TAF4: variants seen among roughly 807,000 people sequenced by gnomAD.
TAF4 encodes transcription initiation factor TFIID subunit 4.
TAF4 carries 9 observed loss-of-function variants against 90.3 expected under a neutral mutation model. That is an observed-to-expected ratio of 0.10 (90% CI 0.06 to 0.17). The LOEUF is 0.17. Ranked by LOEUF, TAF4 falls within the 10% of genes least tolerant of loss-of-function variation. The probability of loss-of-function intolerance (pLI) is 1.00; values close to 1 mark genes in which losing one functional copy is unlikely to be tolerated. For synonymous variants in TAF4, 818 were observed against 638.9 expected (o/e 1.28, Z -4.23); for missense variants, 1,351 against 1,370.7 (o/e 0.99, Z 0.23).
rs1339430212 is a variant in TAF4, at chr20:62,064,464, G to A, written c.1347C>T (p.Phe449=). Residue 449 remains phenylalanine (F), a synonymous_variant, in exon 1 of 15, where the codon TTC becomes TTT. Transcript: ENST00000252996. ...GCGGCCACTCACCTGGGGGCAGCTG[G>A]AAGTTCTGGATGTTGGTCGGGTTCT... ...PPQNPTNIQN[F]QLPPGMVLVR... The A allele has an allele frequency of 1.4e-6, 2 of 1,462,992 alleles. No individual in the cohort carries two copies. Among genetic ancestry groups the A allele is most frequent in the Non-Finnish European group, 1.8e-6 (2 of 1,102,776 alleles). 90.6% of individuals were successfully genotyped at this position (1,462,992 alleles called of 1,614,324 possible).
At chr20:61,977,817 A>G (rs998606774) in intron 14 of TAF4, among the ~76,000 whole-genome samples, 1 of 152,218 alleles carries the variant, frequency 6.6e-6, no homozygotes, top group Admixed American at 6.5e-5. Context: ...GGGTGAGGGC[A>G]GGGCTCTCAC....
chr20:62,065,451 C>T lies in TAF4; in HGVS notation c.360G>A (p.Ala120=), dbSNP rs1206819108. Residue 120 remains alanine, a synonymous_variant, in exon 1 of 15, where the codon GCG becomes GCA. Transcript: ENST00000252996. ...PRRPLVPAGP[A]PPAAKLRPPP... The stretch of plus-strand genomic sequence containing the variant: ...GCGGCCTCAGCTTCGCGGCGGGCGG[C>T]GCGGGCCCTGCGGGGACAAGGGGGC... 2 of 975,078 alleles carry T rather than the reference C, an allele frequency of 2.1e-6. No individual in the cohort carries two copies. Among genetic ancestry groups the T allele is most frequent in the Non-Finnish European group, 2.4e-6 (2 of 825,004 alleles). 60.4% of individuals were successfully genotyped at this position (975,078 alleles called of 1,614,324 possible).
intron 9 of TAF4, among the ~76,000 whole-genome samples, chr20:62,002,937 G>A (rs962625754): frequency 4.6e-5 from 7 of 152,166 alleles, no homozygotes; most frequent in East Asian, 3.8e-4. Flanking sequence ...CAGTTGATTC[G>A]CTTTCTGGCT....
intron 1 of TAF4, among the ~76,000 whole-genome samples, chr20:62,048,535 T>C (rs1461277429): frequency 6.6e-6 from 1 of 152,054 alleles, no homozygotes; most frequent in South Asian, 2.1e-4. Context: ...ACAAACCCAC[T>C]GCACTTCCAG....
chr20:61,976,334 C>A lies in TAF4; in HGVS notation c.3092G>T (p.Gly1031Val), dbSNP rs750550902. 6.2e-7 allele frequency: 1 copy of A among 1,613,072 alleles called. No individual in the cohort carries two copies. The highest frequency in any genetic ancestry group is 8.5e-7 in the Non-Finnish European group (1 of 1,179,982). The change falls in exon 15 of 15, where the codon GGG (glycine) becomes GTG (valine). Residue 1031 changes from glycine (G) to valine (V), a missense_variant and splice_region_variant. Physicochemically the swap from Gly to Val is moderately radical, Grantham distance 109. Around this residue, in one of 9 missense-constraint regions of TAF4, gnomAD observed 48 missense variants for 50.6 expected, o/e 0.95. Transcript: ENST00000252996. Reference protein sequence around the residue: ...DCPGPGSGAEGSGPGSVVPGS... With the variant: ...DCPGPGSGAEVSGPGSVVPGS... Reference sequence around the variant, plus strand: ...TGGGACCACTGAGCCGGGGCCCGACCCCTGGTGATGAAAAAGGAGAAGACA... The same window carrying A: ...TGGGACCACTGAGCCGGGGCCCGACACCTGGTGATGAAAAAGGAGAAGACA...
intron 12 of TAF4, 78 bp downstream of exon 12, chr20:61,998,905 C>T: frequency 6.4e-7 from 1 of 1,564,238 alleles, no homozygotes; most frequent in Non-Finnish European, 8.7e-7. Context: ...ACCCAAAACC[C>T]CACTGTCTCA....
chr20:62,061,500 C>A (rs901033833), intron 1 of TAF4, among the ~76,000 whole-genome samples: 5 of 152,218 alleles, frequency 3.3e-5, no homozygotes, highest in Non-Finnish European at 7.3e-5. Context: ...GCACAATAGA[C>A]CAAGATACAC....
chr20:62,064,534 G>T lies in TAF4; in HGVS notation c.1277C>A (p.Thr426Asn). The change falls in exon 1 of 15, where the codon ACC (threonine) becomes AAC (asparagine). Residue 426 changes from threonine to asparagine, a missense_variant. This residue lies in a region of TAF4 where 782 missense variants were observed against 536.6 expected (regional missense o/e 1.46). Coordinates refer to ENST00000252996, the MANE Select transcript of TAF4 (RefSeq NM_003185.4). ...PTATTSGIRA[T>N]LTPTVLAPRL... is the part of the protein sequence containing the mutation. The stretch of plus-strand genomic sequence containing the variant: ...GGGGGCCAGCACGGTGGGCGTCAGG[G>T]TGGCCCGAATCCCGCTGGTGGTGGC... The T allele has an allele frequency of 6.5e-7, 1 of 1,529,820 alleles. No homozygotes were observed. The highest frequency in any genetic ancestry group is 8.8e-7 in the Non-Finnish European group (1 of 1,142,758). The allele number at this position is 1,529,820 out of a possible 1,614,324, so 94.8% of individuals were successfully genotyped here.
At chr20:62,064,245 G>T (rs1018689294) in intron 1 of TAF4, 1 of 476,802 alleles carries the variant, frequency 2.1e-6, no homozygotes, top group Non-Finnish European at 3.4e-6. Flanking sequence ...CGACAGGGAC[G>T]CAGGCTATGC....
At chr20:61,988,863 G>C (rs759534070) in intron 14 of TAF4, among the ~76,000 whole-genome samples, 9 of 152,096 alleles carry the variant, frequency 5.9e-5, no homozygotes, top group Non-Finnish European at 1.2e-4. Context: ...GAGGACGCAC[G>C]AGCTCCCTTA....
chr20:62,064,817 C>A lies in TAF4; in HGVS notation c.994G>T (p.Gly332Cys). ...PAGVSGQPGP[G>C]AAAAAPAPGV... ...GGCGCCGGCGCCGCAGCCGCCGCGCCGGGCCCGGGTTGGCCGCTGACCCCC... is the reference window on the plus strand; with the variant it reads ...GGCGCCGGCGCCGCAGCCGCCGCGCAGGGCCCGGGTTGGCCGCTGACCCCC... Residue 332 changes from glycine (G) to cysteine (C), a missense_variant, in exon 1 of 15, where the codon GGC (glycine) becomes TGC (cysteine). Transcript: ENST00000252996. The A allele has an allele frequency of 1.0e-6, 1 of 973,922 alleles. No individual in the cohort carries two copies. The highest frequency in any genetic ancestry group is 1.2e-6 in the Non-Finnish European group (1 of 825,450). The allele number at this position is 973,922 out of a possible 1,614,324, so 60.3% of individuals were successfully genotyped here. A position where few individuals can be genotyped will look rare whatever the true frequency, so the allele number is the denominator to read the frequency against.
At chr20:61,998,590 C>T (rs1008165713) in intron 12 of TAF4, among the ~76,000 whole-genome samples, 5 of 152,208 alleles carry the variant, frequency 3.3e-5, no homozygotes, top group East Asian at 1.9e-4. Flanking sequence ...TACCCACCCC[C>T]GTCCCTGGGG....
chr20:61,983,225 C>T (rs902885677), intron 14 of TAF4, among the ~76,000 whole-genome samples: 5 of 150,986 alleles, frequency 3.3e-5, no homozygotes, highest in Admixed American at 6.6e-5. Flanking sequence ...GACAGGAGAC[C>T]AGGGCGTCGT....
intron 1 of TAF4, among the ~76,000 whole-genome samples, chr20:62,035,760 T>C (rs1030493001): frequency 6.6e-6 from 1 of 151,774 alleles, no homozygotes; most frequent in Non-Finnish European, 1.5e-5. Context: ...ATAAAGAAAG[T>C]GAAAAGATCA....
At chr20:62,032,206 A>G (rs540882253) in intron 1 of TAF4, among the ~76,000 whole-genome samples, 2 of 152,330 alleles carry the variant, frequency 1.3e-5, no homozygotes, top group African/African-American at 4.8e-5. Flanking sequence ...CAACTCTGCA[A>G]GCAGTCGGCT....
chr20:62,015,641 CA>C (rs1006990292), intron 1 of TAF4, among the ~76,000 whole-genome samples: 3 of 152,210 alleles, frequency 2.0e-5, no homozygotes, highest in Non-Finnish European at 2.9e-5. Context: ...CCACGGGGCA[CA>C]GGGGGCGGCC....
intron 5 of TAF4, chr20:62,007,874 T>C (rs2123140103): frequency 1.4e-5 from 6 of 430,214 alleles, no homozygotes. Flanking sequence ...GGGTCACCTG[T>C]CTACTTCTCG....
intron 1 of TAF4, among the ~76,000 whole-genome samples, chr20:62,025,494 G>C (rs1423261571): frequency 6.6e-6 from 1 of 152,098 alleles, no homozygotes; most frequent in Non-Finnish European, 1.5e-5. Flanking sequence ...CGTGTGGAGG[G>C]AGGGAAGTGA....
At position 62,064,706 on chromosome 20, in the gene TAF4, T is replaced by G; in HGVS notation, c.1105A>C (p.Thr369Pro). The stretch of plus-strand genomic sequence containing the variant: ...GGCCCGATGACCATGCTGGCCGCCG[T>G]GCTGGCCGGGCCGCTGGCCGCCAGG... ...QTLAASGPAS[T>P]AASMVIGPTM... Residue 369 changes from threonine (T) to proline (P), a missense_variant, in exon 1 of 15, where the codon ACG (threonine) becomes CCG (proline). Physicochemically the swap from Thr to Pro is conservative, Grantham distance 38. Around this residue, in one of 9 missense-constraint regions of TAF4, gnomAD observed 782 missense variants for 536.6 expected, o/e 1.46. Transcript: ENST00000252996. 2 of 1,240,188 alleles carry G rather than the reference T, an allele frequency of 1.6e-6. No individual in the cohort carries two copies. Among genetic ancestry groups the G allele is most frequent in the Non-Finnish European group, 2.0e-6 (2 of 996,044 alleles). The allele number at this position is 1,240,188 out of a possible 1,614,324, so 76.8% of individuals were successfully genotyped here. A position where few individuals can be genotyped will look rare whatever the true frequency, so the allele number is the denominator to read the frequency against.
Sources: allele counts gnomAD v4.1 joint callset (sites outside exome capture counted in the v4.1 genomes callset), GRCh38; gene constraint gnomAD v4.1.1; regional missense constraint gnomAD v4.1.1; transcripts MANE v1.5; gene names NCBI Gene and HGNC (gene_info 2026-07-23, HGNC 2026-07-21).